Variants in EYS observed in about 807,000 individuals in gnomAD.
EYS encodes protein eyes shut homolog.
In EYS, 250 loss-of-function variants were observed where a neutral mutation model predicts 282.1. The ratio of observed to expected loss-of-function variants is 0.89; its 90% CI spans 0.80 to 0.98. The LOEUF is 0.98. EYS is among the 50% of genes least tolerant of loss of function. The pLI is 0.00. For missense variants in EYS, 4,016 were observed against 3,709.0 expected (o/e 1.08, Z -2.15); for synonymous variants, 1,355 against 1,282.9 (o/e 1.06, Z -1.20).
chr6:65,087,173 G>A (rs1467648744), intron 12 of EYS, among the ~76,000 whole-genome samples: 1 of 151,960 alleles, frequency 6.6e-6, no homozygotes, highest in Admixed American at 6.6e-5. Context: ...GGATGTTTAA[G>A]GATGGATATG....
intron 33 of EYS, among the ~76,000 whole-genome samples, chr6:64,049,588 T>A (rs901487286): frequency 6.6e-6 from 1 of 152,172 alleles, no homozygotes; most frequent in Admixed American, 6.5e-5. Context: ...TGGTCTCTGG[T>A]GGCTTAGAGG....
chr6:63,769,354 G>A (rs1769875968), intron 40 of EYS, among the ~76,000 whole-genome samples: 1 of 151,918 alleles, frequency 6.6e-6, no homozygotes, highest in African/African-American at 2.4e-5. Flanking sequence ...ACATAAGGCA[G>A]ATTTAATTAA....
In EYS at chr6:64,779,684, T is replaced by C. The variant is rs147125865; in HGVS notation, c.3443+33694A>G. On this transcript the variant is annotated intron_variant, in intron 22 of 42. Transcript: ENST00000503581. ...AAATTAGCTTATCAATTATAATGTG[T>C]CCCATGAATGCAAGATGTTGATAAA... Among the ~76,000 whole-genome samples, 209 of 152,250 alleles carry C rather than the reference T, an allele frequency of 1.4e-3. 1 individual carries two copies. Among genetic ancestry groups the C allele is most frequent in the Middle Eastern group, 3.4e-3 (1 of 294 alleles).
At chr6:64,981,143 T>A (rs1034865283) in intron 14 of EYS, among the ~76,000 whole-genome samples, 1 of 151,346 alleles carries the variant, frequency 6.6e-6, no homozygotes. Context: ...TTGATTTTAA[T>A]CCAGGCAATA....
At chr6:65,015,467 G>A (rs929314483) in intron 13 of EYS, among the ~76,000 whole-genome samples, 1 of 152,120 alleles carries the variant, frequency 6.6e-6, no homozygotes, top group Non-Finnish European at 1.5e-5. Context: ...ACTGTTGAAA[G>A]CTTTCCTAAA....
chr6:64,573,176 G>T (rs1241229498), intron 26 of EYS, among the ~76,000 whole-genome samples: 1 of 152,116 alleles, frequency 6.6e-6, no homozygotes, highest in East Asian at 1.9e-4. Context: ...AATGGGGAAA[G>T]GATTCCCTAT....
chr6:64,363,661 T>G (rs1369576927), intron 29 of EYS, among the ~76,000 whole-genome samples: 2 of 151,926 alleles, frequency 1.3e-5, no homozygotes, highest in Non-Finnish European at 2.9e-5. Context: ...TTACTATTAT[T>G]TCATTAAAAG....
intron 5 of EYS, among the ~76,000 whole-genome samples, chr6:65,482,734 G>T (rs1156747040): frequency 1.3e-5 from 2 of 152,112 alleles, no homozygotes; most frequent in Non-Finnish European, 2.9e-5. Flanking sequence ...TGTCCAAAAT[G>T]GTAGCTGAAG....
At chr6:64,145,143 C>A (rs971745647) in intron 31 of EYS, among the ~76,000 whole-genome samples, 1 of 152,096 alleles carries the variant, frequency 6.6e-6, no homozygotes, top group Non-Finnish European at 1.5e-5. Flanking sequence ...AATGTTGTTA[C>A]CTTTAGACTA....
chr6:64,225,402 T>A (rs1429714911), intron 31 of EYS, among the ~76,000 whole-genome samples: 1 of 151,884 alleles, frequency 6.6e-6, no homozygotes, highest in African/African-American at 2.4e-5. Context: ...GCTAACCAGC[T>A]GACTCTGAGA....
chr6:65,273,816 T>C (rs543334606), intron 12 of EYS, among the ~76,000 whole-genome samples: 2 of 152,308 alleles, frequency 1.3e-5, no homozygotes, highest in South Asian at 4.1e-4. Flanking sequence ...TGTTCAAGGT[T>C]CAGCTTTTTG....
intron 26 of EYS, among the ~76,000 whole-genome samples, chr6:64,547,955 G>C (rs1343622390): frequency 6.6e-6 from 1 of 152,224 alleles, no homozygotes; most frequent in African/African-American, 2.4e-5. Flanking sequence ...GTGCCAGCAG[G>C]GCTGGCCGGC....
chr6:64,445,043 T>G (rs1775074542), intron 26 of EYS, among the ~76,000 whole-genome samples: 1 of 152,230 alleles, frequency 6.6e-6, no homozygotes, highest in South Asian at 2.1e-4. Context: ...TATCTCTTGA[T>G]AGCAATACAA....
chr6:64,118,841 A>C (rs1773476532), intron 31 of EYS, among the ~76,000 whole-genome samples: 1 of 151,848 alleles, frequency 6.6e-6, no homozygotes, highest in Non-Finnish European at 1.5e-5. Flanking sequence ...CTCAACAGCA[A>C]ACAAAAAGAA....
intron 12 of EYS, among the ~76,000 whole-genome samples, chr6:65,290,987 A>C (rs1582106580): frequency 6.6e-6 from 1 of 151,592 alleles, no homozygotes; most frequent in Middle Eastern, 3.4e-3. Context: ...TTGTCTTAGA[A>C]ATTTGATCAA....
intron 12 of EYS, among the ~76,000 whole-genome samples, chr6:65,224,016 T>G (rs1436410270): frequency 6.6e-6 from 1 of 152,154 alleles, no homozygotes; most frequent in Admixed American, 6.5e-5. Context: ...TGGTAACCAG[T>G]GCACAATGAA....
intron 31 of EYS, among the ~76,000 whole-genome samples, chr6:64,164,808 T>C (rs1041701514): frequency 1.3e-5 from 2 of 152,124 alleles, no homozygotes; most frequent in Admixed American, 1.3e-4. Context: ...CTCTGCCTTA[T>C]TGTTATGTTG....
chr6:64,519,317 A>G (rs1777658698), intron 26 of EYS, among the ~76,000 whole-genome samples: 1 of 151,758 alleles, frequency 6.6e-6, no homozygotes, highest in South Asian at 2.1e-4. Flanking sequence ...TTTCTTGAGG[A>G]AAAAAAGGAC....
rs534329238 is a variant in EYS, at chr6:64,689,711, A to G, written c.3444-63466T>C. On this transcript the variant is annotated intron_variant, in intron 22 of 42. Transcript: ENST00000503581. The stretch of plus-strand genomic sequence containing the variant: ...ATCTGATCTTTGACAAACCTGACAA[A>G]AACAAGCAATGGGGAAAGGATTCCC... Among the ~76,000 whole-genome samples the G allele has an allele frequency of 5.9e-5, 9 of 152,330 alleles. No homozygotes were observed. In the East Asian group the frequency reaches 1.7e-3, roughly 29 times the overall value.
Sources: gnomAD v4.1 joint callset for allele counts (sites outside exome capture counted in the v4.1 genomes callset) on GRCh38, gnomAD v4.1.1 for gene constraint, MANE v1.5 for transcripts, NCBI Gene and HGNC (gene_info 2026-07-23, HGNC 2026-07-21) for gene names.